SBF2: variants seen among roughly 807,000 people sequenced by gnomAD.
SBF2 encodes the protein myotubularin-related protein 13.
Under a neutral mutation model 225.2 loss-of-function variants are expected in SBF2, and 112 were observed. The observed-to-expected ratio is 0.50, with a 90% CI of 0.43 to 0.58. The LOEUF is 0.58. Among genes scored for constraint, SBF2 ranks in the 20% least tolerant of loss-of-function variants. SBF2 has a pLI of 0.00. For synonymous variants in SBF2, 763 were observed against 773.3 expected, an observed-to-expected ratio of 0.99 and a Z score of 0.22; for missense variants, 1,996 against 2,206.2, an observed-to-expected ratio of 0.90 and a Z score of 1.91.
At chr11:10,180,048 C>T (rs1956669705) in intron 2 of SBF2, among the ~76,000 whole-genome samples, 1 of 152,054 alleles carries the variant, frequency 6.6e-6, no homozygotes, top group African/African-American at 2.4e-5. Context: ...CTATTTCTAC[C>T]TCATTGCTCT....
At chr11:9,839,435 T>C in intron 26 of SBF2, 63 bp downstream of exon 26, 1 of 1,505,828 alleles carries the variant, frequency 6.6e-7, no homozygotes. Context: ...AAATGGCCTA[T>C]TAAAGATTCA....
chr11:10,066,627 A>T (rs535004796), intron 2 of SBF2, among the ~76,000 whole-genome samples: 26 of 152,306 alleles, frequency 1.7e-4, no homozygotes, highest in African/African-American at 6.0e-4. Context: ...TCCTTAACCT[A>T]ATAAAGAGCA....
At chr11:10,028,847 T>C (rs1010379871) in intron 5 of SBF2, among the ~76,000 whole-genome samples, 1 of 152,148 alleles carries the variant, frequency 6.6e-6, no homozygotes, top group Middle Eastern at 3.2e-3. Flanking sequence ...ACAACTTTAA[T>C]AAAGGCTCAT....
intron 39 of SBF2, 187 bp from the exon 40 acceptor site, chr11:9,780,703 A>G (rs1378161750): frequency 4.7e-6 from 3 of 633,464 alleles, no homozygotes; most frequent in Non-Finnish European, 2.9e-6. Flanking sequence ...GTCATAGGGG[A>G]TGTTGATAGA....
chr11:9,886,333 T>C (rs1405472409), intron 17 of SBF2, among the ~76,000 whole-genome samples: 2 of 152,178 alleles, frequency 1.3e-5, no homozygotes, highest in Non-Finnish European at 2.9e-5. Flanking sequence ...TTTTCTTCAT[T>C]TTGTTATTCC....
chr11:10,294,019 C>A lies in SBF2; in HGVS notation c.51G>T (p.Lys17Asn). Residue 17 changes from lysine (K) to asparagine (N), a missense_variant, in exon 1 of 40, where the codon AAG (lysine) becomes AAT (asparagine). Transcript: ENST00000256190. ...YFIVVGYDHEKPGSGEGLGKI... is the reference protein window; with the variant it reads ...YFIVVGYDHENPGSGEGLGKI... The stretch of plus-strand genomic sequence containing the variant: ...GGTGCCGCCCCACACCCTTACCTGG[C>A]TTCTCGTGGTCATAGCCTACCACGA... 7.1e-7 allele frequency: 1 copy of A among 1,402,390 alleles called. No homozygotes were observed. Among genetic ancestry groups the A allele is most frequent in the Non-Finnish European group, 9.3e-7 (1 of 1,072,082 alleles). 86.9% of individuals were successfully genotyped at this position (1,402,390 alleles called of 1,614,324 possible).
At chr11:10,098,639 A>ACAATATATCAATATATATAT (rs527978767) in intron 2 of SBF2, among the ~76,000 whole-genome samples, 2,574 of 151,218 alleles carry the variant, frequency 0.017, 56 homozygotes, top group African/African-American at 0.047. Flanking sequence ...AACCAGAAAA[A>ACAATATATCAATATATATAT]CAATATATCA....
At chr11:9,798,372 G>A (rs960441988) in intron 32 of SBF2, among the ~76,000 whole-genome samples, 8 of 152,210 alleles carry the variant, frequency 5.3e-5, no homozygotes, top group African/African-American at 1.9e-4. Flanking sequence ...AGGAGCCAGT[G>A]ATGGAGAGGG....
chr11:10,243,445 A>G (rs1959431963), intron 1 of SBF2, among the ~76,000 whole-genome samples: 1 of 151,952 alleles, frequency 6.6e-6, no homozygotes, highest in Admixed American at 6.6e-5. Context: ...ACCTAAAGTT[A>G]AAAAAATGAA....
intron 2 of SBF2, among the ~76,000 whole-genome samples, chr11:10,172,895 C>T (rs559014797): frequency 4.6e-5 from 7 of 152,028 alleles, no homozygotes; most frequent in Admixed American, 2.0e-4. Flanking sequence ...CTTGAACTAC[C>T]GATCTCCACT....
At position 9,974,960 on chromosome 11, in the gene SBF2, CA is replaced by C. The variant is rs1166081188; in HGVS notation, c.1396-6416del. On this transcript the variant is annotated intron_variant, in intron 13 of 39. Coordinates refer to ENST00000256190, the MANE Select transcript of SBF2 (RefSeq NM_030962.4). ...GGGCAACAACAGCGAAACTTTGACT[CA>C]AAAAAAAAAAAAAAAAAAAAAAAAA... Among the ~76,000 whole-genome samples the C allele has an allele frequency of 7.9e-3, 183 of 23,212 alleles. 9 individuals carry two copies. The highest frequency in any genetic ancestry group is 0.02 in the Admixed American group (25 of 1,232). The allele number at this position is 23,212 out of a possible 152,430, so 15.2% of individuals were successfully genotyped here.
intron 2 of SBF2, among the ~76,000 whole-genome samples, chr11:10,057,356 C>T (rs1266453010): frequency 2.0e-5 from 3 of 152,194 alleles, no homozygotes; most frequent in African/African-American, 7.2e-5. Flanking sequence ...GCCCTTGTCA[C>T]CCTTGGACTA....
At chr11:10,173,630 A>C (rs1286571403) in intron 2 of SBF2, among the ~76,000 whole-genome samples, 16 of 152,172 alleles carry the variant, frequency 1.1e-4, no homozygotes, top group Middle Eastern at 3.4e-3. Context: ...ACAAAGCAGC[A>C]GGGAAGCTCG....
intron 13 of SBF2, among the ~76,000 whole-genome samples, chr11:9,976,792 G>A (rs538287200): frequency 3.4e-5 from 5 of 148,342 alleles, no homozygotes; most frequent in African/African-American, 1.0e-4. Flanking sequence ...TTTTTGAGAT[G>A]GAGTCTCGCT....
Position 10,001,014 on chromosome 11 carries a change from T to C in SBF2, c.761A>G (p.Tyr254Cys), listed in dbSNP as rs1947932613. The C allele has an allele frequency of 2.6e-6, 4 of 1,541,334 alleles. No homozygotes were observed. Among genetic ancestry groups the C allele is most frequent in the Non-Finnish European group, 3.6e-6 (4 of 1,113,964 alleles). ...TAGCTGAGCCGGGAGAATAGGGATA[T>C]AAGGATAACTGGAAATAATAAAAAT... ...LMFPLKYSYP[Y>C]IPILPAQLLE... The change falls in exon 8 of 40, where the codon TAT becomes TGT. Residue 254 changes from tyrosine (Y) to cysteine (C), a missense_variant. Transcript: ENST00000256190.
chr11:9,820,161 A>G (rs1429220056), intron 28 of SBF2, among the ~76,000 whole-genome samples: 1 of 152,234 alleles, frequency 6.6e-6, no homozygotes, highest in African/African-American at 2.4e-5. Context: ...ATTAGAAGAA[A>G]TGATTTTATA....
chr11:10,215,595 C>A (rs1196197941), intron 1 of SBF2, among the ~76,000 whole-genome samples: 1 of 152,154 alleles, frequency 6.6e-6, no homozygotes, highest in Non-Finnish European at 1.5e-5. Flanking sequence ...TGCACTCCAG[C>A]CTGGGTGATA....
chr11:9,976,661 C>A (rs571058101), intron 13 of SBF2, among the ~76,000 whole-genome samples: 1 of 152,220 alleles, frequency 6.6e-6, no homozygotes, highest in South Asian at 2.1e-4. Context: ...ACATATCTAG[C>A]AAATATTTTT....
chr11:10,142,304 T>A (rs1013534647), intron 2 of SBF2, among the ~76,000 whole-genome samples: 5 of 152,192 alleles, frequency 3.3e-5, no homozygotes, highest in Non-Finnish European at 5.9e-5. Context: ...TTACTCTGTA[T>A]TTTTCAATAT....
Sources: allele counts gnomAD v4.1 joint callset (sites outside exome capture counted in the v4.1 genomes callset), GRCh38; gene constraint gnomAD v4.1.1; transcripts MANE v1.5; gene names NCBI Gene and HGNC (gene_info 2026-07-23, HGNC 2026-07-21).